TIMD4: variants seen among roughly 807,000 people sequenced by gnomAD.
TIMD4 encodes the protein T cell immunoglobulin and mucin domain containing 4, also known as T-cell immunoglobulin and mucin domain-containing protein 4.
In TIMD4, 31 loss-of-function variants were observed where a neutral mutation model predicts 41.2. The observed-to-expected ratio is 0.75, with a 90% CI of 0.57 to 1.01. The LOEUF (loss-of-function observed/expected upper bound fraction) is 1.01. Among genes scored for constraint, TIMD4 ranks in the 50% least tolerant of loss-of-function variants. The pLI is 0.00. For missense variants in TIMD4, 479 were observed against 472.5 expected, an observed-to-expected ratio of 1.01 and a Z score of -0.13; for synonymous variants, 204 against 177.1, an observed-to-expected ratio of 1.15 and a Z score of -1.21.
At chr5:156,938,535 C>A (rs1349317624) in intron 5 of TIMD4, among the ~76,000 whole-genome samples, 1 of 152,190 alleles carries the variant, frequency 6.6e-6, no homozygotes, top group Non-Finnish European at 1.5e-5. Context: ...GAGGTCAACA[C>A]GAGATCTGAT....
At chr5:156,926,856 G>T (rs1046864058) in intron 5 of TIMD4, among the ~76,000 whole-genome samples, 15 of 152,180 alleles carry the variant, frequency 9.9e-5, no homozygotes, top group African/African-American at 2.4e-5. Context: ...GTTCTGGAGG[G>T]TCAAAGAAAA....
intron 6 of TIMD4, chr5:156,924,448 T>C: frequency 6.1e-6 from 3 of 487,912 alleles, no homozygotes; most frequent in South Asian, 4.8e-5. Context: ...GCTGGATTTT[T>C]TCCAGGACTG....
At chr5:156,924,344 T>C (rs752913877) in intron 6 of TIMD4, 2 of 348,814 alleles carry the variant, frequency 5.7e-6, no homozygotes, top group Non-Finnish European at 1.2e-5. Flanking sequence ...TATATAAAAG[T>C]TGGTGTCAGG....
intron 3 of TIMD4, 38 bp downstream of exon 3, chr5:156,951,474 C>T: frequency 6.2e-7 from 1 of 1,609,260 alleles, no homozygotes; most frequent in Non-Finnish European, 8.5e-7. Flanking sequence ...TTCAGTGAGA[C>T]AGCACTGTTC....
intron 5 of TIMD4, among the ~76,000 whole-genome samples, chr5:156,946,477 T>C (rs1480058143): frequency 2.6e-5 from 4 of 152,120 alleles, no homozygotes; most frequent in African/African-American, 9.7e-5. Flanking sequence ...CTCTGAGCTT[T>C]TTTTTGTTTG....
chr5:156,951,835 G>A, intron 2 of TIMD4, 45 bp from the exon 3 acceptor site: 5 of 1,607,928 alleles, frequency 3.1e-6, no homozygotes, highest in Non-Finnish European at 3.4e-6. Flanking sequence ...GGAGATGGAG[G>A]AAAAAGAAAA....
At position 156,922,274 on chromosome 5, in the gene TIMD4, G is replaced by A. The variant is rs1004033989; in HGVS notation, c.895-58C>T. ...TCACTGCTAGATGCCACCCTCACAA[G>A]ATGACATCCCAGCCCAATAGCACCT... On this transcript the variant is annotated intron_variant, in intron 6 of 8. Transcript: ENST00000274532. 8.4e-6 allele frequency: 11 copies of A among 1,309,138 alleles called. No homozygotes were observed. In the African/African-American group the frequency reaches 1.6e-4, roughly 19 times the overall value. The allele number at this position is 1,309,138 out of a possible 1,614,324, so 81.1% of individuals were successfully genotyped here. A position where few individuals can be genotyped will look rare whatever the true frequency, so the allele number is the denominator to read the frequency against.
Position 156,959,159 on chromosome 5 carries a change from G to T in TIMD4, c.58+3982C>A, listed in dbSNP as rs186851184. On this transcript the variant is annotated intron_variant, in intron 1 of 8. Coordinates refer to ENST00000274532, the MANE Select transcript of TIMD4 (RefSeq NM_138379.3). ...TAACATTTTAATTTTTTCACCAGGA[G>T]TGTTTCGTGTCACTCATCTTATTAA... is the stretch of plus-strand genomic sequence containing the variant. Among the ~76,000 whole-genome samples the T allele has an allele frequency of 3.3e-5, 5 of 152,272 alleles. No homozygotes were observed. In the East Asian group the frequency reaches 9.7e-4, roughly 29 times the overall value.
At chr5:156,933,306 C>T (rs1196720319) in intron 5 of TIMD4, among the ~76,000 whole-genome samples, 1 of 151,924 alleles carries the variant, frequency 6.6e-6, no homozygotes, top group East Asian at 1.9e-4. Flanking sequence ...CGTTTGGGGC[C>T]ACAACTTTGA....
At position 156,952,529 on chromosome 5, in the gene TIMD4, G is replaced by A. The variant is rs149161803; in HGVS notation, c.401-739C>T. Among the ~76,000 whole-genome samples the A allele has an allele frequency of 2.8e-3, 432 of 151,908 alleles. 4 individuals carry two copies. Among genetic ancestry groups the A allele is most frequent in the African/African-American group, 9.6e-3 (396 of 41,440 alleles). On this transcript the variant is annotated intron_variant, in intron 2 of 8. Coordinates refer to ENST00000274532, the MANE Select transcript of TIMD4 (RefSeq NM_138379.3). ...CTTTGAATATATCAGCAACCTTCCC[G>A]CTGCACGAACCTTTGTACCTGCTGC...
At position 156,949,652 on chromosome 5, in the gene TIMD4, T is replaced by G; in HGVS notation, c.759A>C (p.Lys253Asn). 1 of 1,610,466 alleles carries G rather than the reference T, an allele frequency of 6.2e-7. No homozygotes were observed. The highest frequency in any genetic ancestry group is 8.5e-7 in the Non-Finnish European group (1 of 1,176,808). The change falls in exon 4 of 9, where the codon AAA becomes AAC. Residue 253 changes from lysine to asparagine, a missense_variant and splice_region_variant. By Grantham distance (94) the Lys-to-Asn change is moderately conservative. Coordinates refer to ENST00000274532, the MANE Select transcript of TIMD4 (RefSeq NM_138379.3). ...CAGAGAGAGTGAGTGTCTGCACACC[T>G]TTGGATGTCAGCAGGACAGTGTCAG... The part of the protein sequence containing the change: ...TSADTVLLTS[K>N]ESKVWDLPST...
In TIMD4 at chr5:156,951,493, C is replaced by T; in HGVS notation, c.679+19G>A. ...GTGAGACAGCACTGTTCTAAGAAAC[C>T]CAAGATACATCTGCGTACCTGCAGT... On this transcript the variant is annotated intron_variant, in intron 3 of 8. Transcript: ENST00000274532. 1 of 1,613,500 alleles carries T rather than the reference C, an allele frequency of 6.2e-7. No individual in the cohort carries two copies. Among genetic ancestry groups the T allele is most frequent in the Admixed American group, 1.7e-5 (1 of 59,962 alleles).
At chr5:156,957,006 T>C (rs1439157266) in intron 1 of TIMD4, among the ~76,000 whole-genome samples, 3 of 151,776 alleles carry the variant, frequency 2.0e-5, no homozygotes, top group African/African-American at 7.3e-5. Context: ...AGCAAGACTA[T>C]GTGCTTCTGG....
In TIMD4 at chr5:156,953,788, C is replaced by G. The variant is rs187342853; in HGVS notation, c.400+627G>C. Among the ~76,000 whole-genome samples, 5 of 152,060 alleles carry G rather than the reference C, an allele frequency of 3.3e-5. No homozygotes were observed. In the East Asian group the frequency reaches 9.6e-4, roughly 29 times the overall value. ...ACACTGATGCAGGTGGAATACAGAG[C>G]TCATTTTGGGAAGCTCTATACTGGA... On this transcript the variant is annotated intron_variant, in intron 2 of 8. Transcript: ENST00000274532.
intron 1 of TIMD4, among the ~76,000 whole-genome samples, chr5:156,957,129 A>G (rs1277074301): frequency 6.6e-6 from 1 of 151,696 alleles, no homozygotes; most frequent in Non-Finnish European, 1.5e-5. Context: ...TGTTCTTATG[A>G]TAAAAGATGA....
At chr5:156,937,742 AT>A (rs1759566561) in intron 5 of TIMD4, among the ~76,000 whole-genome samples, 1 of 152,364 alleles carries the variant, frequency 6.6e-6, no homozygotes, top group Admixed American at 6.5e-5. Context: ...AATGTTATTA[AT>A]AAAAAATTGT....
At chr5:156,942,993 A>G (rs1759673973) in intron 5 of TIMD4, among the ~76,000 whole-genome samples, 1 of 152,218 alleles carries the variant, frequency 6.6e-6, no homozygotes, top group Non-Finnish European at 1.5e-5. Context: ...AATTACTACT[A>G]TGAGATTGTA....
chr5:156,953,880 A>T (rs372636381), intron 2 of TIMD4, among the ~76,000 whole-genome samples: 2 of 152,136 alleles, frequency 1.3e-5, no homozygotes, highest in African/African-American at 4.8e-5. Context: ...AAATTTTTGA[A>T]GTCCCACCAT....
rs979719907 is a variant in TIMD4, at chr5:156,954,344, T to C, written c.400+71A>G. The C allele has an allele frequency of 9.2e-6, 13 of 1,420,596 alleles. No individual in the cohort carries two copies. The African/African-American group carries it at 1.7e-4, about 19-fold the overall frequency. 88.0% of individuals were successfully genotyped at this position (1,420,596 alleles called of 1,614,324 possible). On this transcript the variant is annotated intron_variant, in intron 2 of 8. Transcript: ENST00000274532. ...AGCAACTCTAACCTCTTCACCACCA[T>C]CCACTGATCCCATTGTCCATTAACC... is the stretch of plus-strand genomic sequence containing the variant.
Sources: gnomAD v4.1 joint callset for allele counts (sites outside exome capture counted in the v4.1 genomes callset) on GRCh38, gnomAD v4.1.1 for gene constraint, MANE v1.5 for transcripts, NCBI Gene and HGNC (gene_info 2026-07-23, HGNC 2026-07-21) for gene names.